GSDMA: variants seen among roughly 807,000 people sequenced by gnomAD.
GSDMA encodes the protein gasdermin-A.
Under a neutral mutation model 54.3 loss-of-function variants are expected in GSDMA, and 55 were observed. That is an observed-to-expected ratio of 1.01 (90% CI 0.82 to 1.27). The LOEUF (loss-of-function observed/expected upper bound fraction) is 1.27. Ranked by LOEUF, GSDMA falls within the 50% of genes most tolerant of loss-of-function variation. The pLI, the probability that GSDMA is intolerant of heterozygous loss-of-function variation, is 0.00. For synonymous variants in GSDMA, 211 were observed against 224.7 expected, an observed-to-expected ratio of 0.94 and a Z score of 0.54; for missense variants, 542 against 542.6, an observed-to-expected ratio of 1.00 and a Z score of 0.01.
Position 39,972,125 on chromosome 17 carries a change from A to G in GSDMA, c.656-4A>G, listed in dbSNP as rs1215716707. ...TCCCACCCTCCCTCCCTTGCCCTTC[A>G]CAGATATTCCACATATCTGCAATGA... On this transcript the variant is annotated splice_polypyrimidine_tract_variant and splice_region_variant and intron_variant, in intron 5 of 11. Coordinates refer to ENST00000301659, the MANE Select transcript of GSDMA (RefSeq NM_178171.5). 1 of 1,335,084 alleles carries G rather than the reference A, an allele frequency of 7.5e-7. No individual in the cohort carries two copies. Among genetic ancestry groups the G allele is most frequent in the Admixed American group, 1.9e-5 (1 of 52,398 alleles). The allele number at this position is 1,335,084 out of a possible 1,614,324, so 82.7% of individuals were successfully genotyped here.
intron 3 of GSDMA, among the ~76,000 whole-genome samples, chr17:39,969,836 AGAGT>A (rs1263169959): frequency 2.4e-4 from 37 of 152,112 alleles, no homozygotes; most frequent in Non-Finnish European, 4.4e-4. Flanking sequence ...CCTGGGTGAC[AGAGT>A]GAGTGAGACT....
intron 2 of GSDMA, 81 bp downstream of exon 2, chr17:39,965,982 G>T: frequency 1.6e-6 from 2 of 1,286,172 alleles, no homozygotes; most frequent in South Asian, 1.3e-5. Context: ...GGACCTCAAA[G>T]CTCCCTCTGG....
At chr17:39,973,272 C>CT (rs113462964) in intron 7 of GSDMA, among the ~76,000 whole-genome samples, 61,216 of 143,010 alleles carry the variant, frequency 0.43, 13,117 homozygotes, top group East Asian at 0.48. Context: ...GGCGCCTGGC[C>CT]TTTTTTTTTT....
At chr17:39,968,185 G>A (rs1041664315) in intron 3 of GSDMA, among the ~76,000 whole-genome samples, 2 of 151,714 alleles carry the variant, frequency 1.3e-5, no homozygotes, top group Non-Finnish European at 2.9e-5. Context: ...AAGGTGGCTC[G>A]TGAGCCACCA....
intron 3 of GSDMA, 95 bp from the exon 4 acceptor site, chr17:39,970,387 A>T: frequency 7.5e-6 from 9 of 1,203,476 alleles, no homozygotes; most frequent in Non-Finnish European, 9.9e-6. Context: ...TGCCACCACA[A>T]TGTCTAGTTC....
intron 1 of GSDMA, among the ~76,000 whole-genome samples, chr17:39,963,820 C>T (rs1403790848): frequency 1.3e-5 from 2 of 152,104 alleles, no homozygotes; most frequent in African/African-American, 4.8e-5. Flanking sequence ...TGCCATTGCA[C>T]TCCAGCCTGG....
chr17:39,976,083 T>C, intron 11 of GSDMA, 86 bp downstream of exon 11: 2 of 896,124 alleles, frequency 2.2e-6, no homozygotes, highest in South Asian at 3.0e-5. Flanking sequence ...GATGGAGCCA[T>C]TCTGGAGGAT....
At chr17:39,968,343 T>TTTTTTC (rs1979769595) in intron 3 of GSDMA, among the ~76,000 whole-genome samples, 1 of 109,364 alleles carries the variant, frequency 9.1e-6, no homozygotes, top group African/African-American at 4.1e-5. Context: ...CCCGGTCTTT[T>TTTTTTC]TTTTTTTTTT....
intron 7 of GSDMA, among the ~76,000 whole-genome samples, chr17:39,973,094 C>A (rs1021229275): frequency 6.6e-6 from 1 of 152,112 alleles, no homozygotes; most frequent in Non-Finnish European, 1.5e-5. Flanking sequence ...GCCTCAGCCT[C>A]CGGAGTAGCT....
intron 3 of GSDMA, among the ~76,000 whole-genome samples, chr17:39,967,133 G>A (rs988363425): frequency 1.3e-5 from 2 of 152,192 alleles, no homozygotes; most frequent in East Asian, 1.9e-4. Context: ...ACTCTACTAC[G>A]GGCTGGGGTG....
At chr17:39,969,725 A>G (rs1979842743) in intron 3 of GSDMA, among the ~76,000 whole-genome samples, 1 of 152,122 alleles carries the variant, frequency 6.6e-6, no homozygotes, top group Non-Finnish European at 1.5e-5. Flanking sequence ...ATGGTGGCTC[A>G]CATCTGTAAT....
chr17:39,966,460 G>T (rs953199664), intron 3 of GSDMA, 23 bp downstream of exon 3: 2 of 1,571,326 alleles, frequency 1.3e-6, no homozygotes, highest in Non-Finnish European at 1.7e-6. Context: ...GGGACTGAGG[G>T]TCTCCCGGGA....
chr17:39,965,163 G>GGGAA lies in GSDMA; in HGVS notation c.-5-509_-5-506dup, dbSNP rs571558491. Among the ~76,000 whole-genome samples the GGGAA allele has an allele frequency of 4.0e-3, 588 of 146,756 alleles. 2 individuals are homozygous for GGGAA. Among genetic ancestry groups the GGGAA allele is most frequent in the African/African-American group, 0.014 (559 of 38,850 alleles). ...GCAAAGCAAGGAAAGGCGAGGTGGA[G>GGGAA]GGAAGGAAGGAAGGGAAGGAAGGAA... is the stretch of plus-strand genomic sequence containing the variant. On this transcript the variant is annotated intron_variant, in intron 1 of 11. Transcript: ENST00000301659.
intron 11 of GSDMA, among the ~76,000 whole-genome samples, chr17:39,976,403 C>G (rs546005827): frequency 6.6e-6 from 1 of 151,894 alleles, no homozygotes; most frequent in Non-Finnish European, 1.5e-5. Context: ...CTCAGCCTCC[C>G]GAGTAGCTGG....
At chr17:39,967,132 C>T (rs1257058648) in intron 3 of GSDMA, among the ~76,000 whole-genome samples, 1 of 152,202 alleles carries the variant, frequency 6.6e-6, no homozygotes, top group Admixed American at 6.5e-5. Flanking sequence ...CACTCTACTA[C>T]GGGCTGGGGT....
chr17:39,972,545 A>G, intron 6 of GSDMA, 42 bp from the exon 7 acceptor site: 1 of 1,605,972 alleles, frequency 6.2e-7, no homozygotes, highest in Admixed American at 1.7e-5. Context: ...AAAGGCAAAA[A>G]TGGGTTTTGT....
Position 39,977,176 on chromosome 17 carries a change from G to A in GSDMA, c.*118G>A. ...GCTGAAGACATCTGAAATCTCAGCT[G>A]GTCACCCATGATAACCAACTTCCAC... On this transcript the variant is annotated 3_prime_UTR_variant, in exon 12 of 12. Transcript: ENST00000301659. 7.8e-7 allele frequency: 1 copy of A among 1,280,876 alleles called. No homozygotes were observed. Among genetic ancestry groups the A allele is most frequent in the Admixed American group, 2.1e-5 (1 of 47,952 alleles). The allele number at this position is 1,280,876 out of a possible 1,614,324, so 79.3% of individuals were successfully genotyped here. A position where few individuals can be genotyped will look rare whatever the true frequency, so the allele number is the denominator to read the frequency against.
At position 39,975,973 on chromosome 17, in the gene GSDMA, G is replaced by T. The variant is rs1303011962; in HGVS notation, c.1071G>T (p.Lys357Asn). 1.0e-5 allele frequency: 16 copies of T among 1,599,176 alleles called. No homozygotes were observed. Among genetic ancestry groups the T allele is most frequent in the Non-Finnish European group, 1.4e-5 (16 of 1,172,760 alleles). The stretch of plus-strand genomic sequence containing the variant: ...TGCTGGTGAAATCCATGGAGAAAAA[G>T]ATCCTACCCGTGCAGCTAAAGCTGG... ...QKLLVKSMEK[K>N]ILPVQLKLVE... The change falls in exon 11 of 12, where the codon AAG becomes AAT. Residue 357 changes from lysine to asparagine, a missense_variant. Transcript: ENST00000301659.
At chr17:39,975,669 T>C (rs757392191) in intron 10 of GSDMA, among the ~76,000 whole-genome samples, 1 of 152,174 alleles carries the variant, frequency 6.6e-6, no homozygotes, top group Non-Finnish European at 1.5e-5. Context: ...AGAGCTCTTC[T>C]TCCCTCCACA....
Sources: allele counts gnomAD v4.1 joint callset (sites outside exome capture counted in the v4.1 genomes callset), GRCh38; gene constraint gnomAD v4.1.1; transcripts MANE v1.5; gene names NCBI Gene and HGNC (gene_info 2026-07-23, HGNC 2026-07-21).